The following LRP1B variants were observed in gnomAD, a reference collection of about 807,000 sequenced individuals.
LRP1B encodes low-density lipoprotein receptor-related protein 1B.
LRP1B carries 217 observed loss-of-function variants against 556.6 expected under a neutral mutation model. That is an observed-to-expected ratio of 0.39 (90% CI 0.35 to 0.44). LRP1B has a LOEUF of 0.44. Among genes scored for constraint, LRP1B ranks in the 20% least tolerant of loss-of-function variants. LRP1B has a pLI of 1.00. For missense variants in LRP1B, 5,053 were observed against 5,620.8 expected (o/e 0.90, Z 3.23); for synonymous variants, 2,047 against 1,865.8 (o/e 1.10, Z -2.50).
chr2:140,916,240 T>C (rs1266006352), intron 21 of LRP1B, among the ~76,000 whole-genome samples: 1 of 152,164 alleles, frequency 6.6e-6, no homozygotes, highest in Non-Finnish European at 1.5e-5. Flanking sequence ...ATTTCATATA[T>C]AACCCATCAT....
chr2:141,795,872 A>ATATATC, intron 2 of LRP1B, among the ~76,000 whole-genome samples: 1 of 82,216 alleles, frequency 1.2e-5, no homozygotes, highest in Non-Finnish European at 2.5e-5. Flanking sequence ...ATATATATAT[A>ATATATC]TATATATATA....
intron 2 of LRP1B, among the ~76,000 whole-genome samples, chr2:141,785,943 C>G (rs1464578615): frequency 6.6e-6 from 1 of 151,712 alleles, no homozygotes; most frequent in Non-Finnish European, 1.5e-5. Context: ...TATATGACAA[C>G]TACAGTAAAT....
At chr2:140,397,221 T>C (rs567560052) in intron 66 of LRP1B, among the ~76,000 whole-genome samples, 1 of 152,318 alleles carries the variant, frequency 6.6e-6, no homozygotes, top group Non-Finnish European at 1.5e-5. Context: ...ACGTGCAGGA[T>C]GTGCAGGTCT....
intron 41 of LRP1B, among the ~76,000 whole-genome samples, chr2:140,642,005 C>T (rs986429285): frequency 6.6e-6 from 1 of 152,024 alleles, no homozygotes; most frequent in Non-Finnish European, 1.5e-5. Flanking sequence ...CTAGATTAGC[C>T]AAAATCCTCA....
intron 86 of LRP1B, among the ~76,000 whole-genome samples, chr2:140,256,441 T>G (rs1681685224): frequency 1.4e-5 from 2 of 144,476 alleles, no homozygotes; most frequent in Admixed American, 7.2e-5. Flanking sequence ...TTTTCTCTTT[T>G]TTCCTTCCTT....
chr2:140,429,664 C>T (rs1216058088), intron 66 of LRP1B, among the ~76,000 whole-genome samples: 1 of 152,170 alleles, frequency 6.6e-6, no homozygotes, highest in East Asian at 1.9e-4. Flanking sequence ...CAACTCCTTT[C>T]CTTCCTAGGC....
At chr2:141,591,697 C>A (rs1687348355) in intron 2 of LRP1B, among the ~76,000 whole-genome samples, 1 of 151,628 alleles carries the variant, frequency 6.6e-6, no homozygotes, top group Non-Finnish European at 1.5e-5. Flanking sequence ...TCAATTTATG[C>A]CACACAAATG....
intron 6 of LRP1B, among the ~76,000 whole-genome samples, chr2:141,192,630 T>G (rs1382916590): frequency 6.6e-6 from 1 of 151,910 alleles, no homozygotes; most frequent in Non-Finnish European, 1.5e-5. Flanking sequence ...TGGATTTTGC[T>G]CTCATTGTTC....
At chr2:141,738,606 C>A (rs867004857) in intron 2 of LRP1B, among the ~76,000 whole-genome samples, 17 of 152,010 alleles carry the variant, frequency 1.1e-4, no homozygotes, top group African/African-American at 4.1e-4. Context: ...CATGATACAC[C>A]TTTGAAGTTA....
At chr2:140,862,685 G>T (rs567591746) in intron 27 of LRP1B, among the ~76,000 whole-genome samples, 2 of 152,222 alleles carry the variant, frequency 1.3e-5, no homozygotes, top group Admixed American at 6.5e-5. Context: ...TCCTGTAATG[G>T]TTATCTTTAT....
At chr2:140,504,286 G>A (rs969820151) in intron 53 of LRP1B, among the ~76,000 whole-genome samples, 25 of 152,112 alleles carry the variant, frequency 1.6e-4, no homozygotes, top group African/African-American at 5.3e-4. Flanking sequence ...AACATTTTAT[G>A]TTTCTGACCA....
chr2:141,464,596 A>ATG (rs1402968531), intron 3 of LRP1B, among the ~76,000 whole-genome samples: 3 of 33,382 alleles, frequency 9.0e-5, no homozygotes, highest in Non-Finnish European at 2.7e-4. Context: ...ATATATATAT[A>ATG]TATATATATA....
chr2:141,043,641 T>C (rs1323445451), intron 11 of LRP1B, among the ~76,000 whole-genome samples: 13 of 151,990 alleles, frequency 8.6e-5, no homozygotes, highest in Admixed American at 5.9e-4. Context: ...GAAAGGTTAT[T>C]TTAACATTTC....
At chr2:141,992,771 C>G (rs1702383756) in intron 1 of LRP1B, among the ~76,000 whole-genome samples, 1 of 152,110 alleles carries the variant, frequency 6.6e-6, no homozygotes, top group Non-Finnish European at 1.5e-5. Flanking sequence ...TGCCTACCTT[C>G]TCTTCATTTT....
At chr2:141,105,150 C>A (rs1443520704) in intron 7 of LRP1B, among the ~76,000 whole-genome samples, 1 of 151,992 alleles carries the variant, frequency 6.6e-6, no homozygotes, top group African/African-American at 2.4e-5. Context: ...TTTCATATAG[C>A]TGGGATGAAG....
At chr2:140,977,745 G>C (rs937674500) in intron 18 of LRP1B, among the ~76,000 whole-genome samples, 1 of 152,104 alleles carries the variant, frequency 6.6e-6, no homozygotes, top group African/African-American at 2.4e-5. Context: ...TTTTTAACAA[G>C]CTCCTCAAAA....
intron 7 of LRP1B, among the ~76,000 whole-genome samples, chr2:141,076,529 T>A (rs942258296): frequency 6.6e-6 from 1 of 152,188 alleles, no homozygotes; most frequent in Non-Finnish European, 1.5e-5. Flanking sequence ...TTTGGCAGTA[T>A]CTAACAATAT....
intron 6 of LRP1B, among the ~76,000 whole-genome samples, chr2:141,219,290 TGA>T (rs1682940065): frequency 6.6e-6 from 1 of 152,148 alleles, no homozygotes; most frequent in Admixed American, 6.5e-5. Context: ...CAGTTTAAAC[TGA>T]GAGGAATTCC....
At chr2:140,643,341 T>C (rs1174535307) in intron 41 of LRP1B, among the ~76,000 whole-genome samples, 1 of 152,194 alleles carries the variant, frequency 6.6e-6, no homozygotes, top group African/African-American at 2.4e-5. Flanking sequence ...TCATTGTTTA[T>C]ATTTCCATCA....
Sources: allele counts gnomAD v4.1 joint callset (sites outside exome capture counted in the v4.1 genomes callset), GRCh38; gene constraint gnomAD v4.1.1; transcripts MANE v1.5; gene names NCBI Gene and HGNC (gene_info 2026-07-23, HGNC 2026-07-21).